Variants in STAG2 observed in about 807,000 individuals in gnomAD.
STAG2 encodes the protein STAG2 cohesin complex component.
STAG2 carries 14 observed loss-of-function variants against 108.1 expected under a neutral mutation model. That is an observed-to-expected ratio of 0.13 (90% CI 0.09 to 0.20). The LOEUF is 0.20. Among genes scored for constraint, STAG2 ranks in the 10% least tolerant of loss-of-function variants. The pLI is 1.00. For synonymous variants in STAG2, 307 were observed against 302.7 expected (o/e 1.01, Z -0.15); for missense variants, 440 against 940.9 (o/e 0.47, Z 6.96).
At chrX:124,014,541 A>G (rs2056635201) in intron 1 of STAG2, among the ~76,000 whole-genome samples, 1 of 110,590 alleles carries the variant, frequency 9.0e-6, no homozygotes, top group South Asian at 3.8e-4. Flanking sequence ...TTGTATTTTT[A>G]GTAGAGATGG....
rs768473039 is a variant in STAG2, at chrX:124,037,559, G to A, written c.321G>A (p.Lys107=). The change falls in exon 6 of 35, where the codon AAG becomes AAA. Residue 107 remains lysine, a synonymous_variant. Transcript: ENST00000371145. The part of the protein sequence containing the change: ...SVVDDWIESY[K]HDRDIALLDL... ...TAGATGATTGGATAGAATCATACAAGCATGACCGAGATATAGCACTTCTTG... is the reference window on the plus strand; with the variant it reads ...TAGATGATTGGATAGAATCATACAAACATGACCGAGATATAGCACTTCTTG... The A allele has an allele frequency of 1.7e-6, 2 of 1,189,620 alleles. No individual in the cohort carries two copies. Among genetic ancestry groups the A allele is most frequent in the East Asian group, 3.1e-5 (1 of 32,655 alleles).
At chrX:123,968,981 A>C (rs2054228735) in intron 1 of STAG2, among the ~76,000 whole-genome samples, 1 of 111,794 alleles carries the variant, frequency 8.9e-6, no homozygotes, top group African/African-American at 3.3e-5. Flanking sequence ...TGTTAAACTC[A>C]GTTGTTTCCC....
At chrX:124,013,141 A>G (rs1441108723) in intron 1 of STAG2, among the ~76,000 whole-genome samples, 1 of 111,455 alleles carries the variant, frequency 9.0e-6, no homozygotes, top group Admixed American at 9.6e-5. Context: ...TGATTTTTGG[A>G]TCTGGATATT....
At position 124,055,125 on chromosome X, in the gene STAG2, T is replaced by C. The variant is rs188027054; in HGVS notation, c.1197-1003T>C. On this transcript the variant is annotated intron_variant, in intron 13 of 34. Transcript: ENST00000371145. ...TTATTTTTCCAAGAACAATCTGATATTATATAAAGAGCAATTGAAATCAGT... is the reference window on the plus strand; with the variant it reads ...TTATTTTTCCAAGAACAATCTGATACTATATAAAGAGCAATTGAAATCAGT... 4.5e-5 allele frequency among the ~76,000 whole-genome samples: 5 copies of C among 112,193 alleles called. No homozygotes were observed. The East Asian group carries it at 8.4e-4, about 19-fold the overall frequency.
intron 1 of STAG2, among the ~76,000 whole-genome samples, chrX:124,000,291 T>C (rs1165789101): frequency 2.7e-5 from 3 of 112,036 alleles, no homozygotes; most frequent in Non-Finnish European, 5.6e-5. Context: ...CATACAGTTA[T>C]GTATAGTACA....
chrX:124,002,253 C>A (rs953707611), intron 1 of STAG2, among the ~76,000 whole-genome samples: 2 of 111,367 alleles, frequency 1.8e-5, no homozygotes, highest in African/African-American at 3.3e-5. Context: ...TCTCCATTAC[C>A]CTCAAGTTTC....
chrX:123,977,058 G>A (rs916612849), intron 1 of STAG2, among the ~76,000 whole-genome samples: 1 of 111,954 alleles, frequency 8.9e-6, no homozygotes, highest in African/African-American at 3.2e-5. Flanking sequence ...ATGGATGTTT[G>A]AAGTTGCATG....
intron 15 of STAG2, among the ~76,000 whole-genome samples, chrX:124,060,435 G>T (rs1473890736): frequency 1.8e-5 from 2 of 112,167 alleles, no homozygotes; most frequent in Non-Finnish European, 3.8e-5. Flanking sequence ...TAACAGTAGG[G>T]TCATTTAAGC....
chrX:124,041,240 C>T (rs1194852207), intron 6 of STAG2, among the ~76,000 whole-genome samples: 6 of 104,427 alleles, frequency 5.7e-5, no homozygotes, highest in African/African-American at 1.8e-4. Flanking sequence ...TTTTAAGTTG[C>T]GGTAAGTAAG....
intron 27 of STAG2, among the ~76,000 whole-genome samples, chrX:124,080,411 C>T (rs971055078): frequency 3.6e-5 from 4 of 110,937 alleles, no homozygotes; most frequent in Admixed American, 2.9e-4. Flanking sequence ...GACACACGAC[C>T]GGGCGCGGTG....
chrX:123,992,437 A>T lies in STAG2; in HGVS notation c.-162-28930A>T, dbSNP rs1318395178. 4.5e-5 allele frequency among the ~76,000 whole-genome samples: 5 copies of T among 110,326 alleles called. No homozygotes were observed. In the Admixed American group the frequency reaches 4.9e-4, roughly 11 times the overall value. Reference sequence around the variant, plus strand: ...AATTTTTAAATTTTACTTTTTTTTTAAATTTCCGTAGCCTTTTTACTTTGT... The same window carrying T: ...AATTTTTAAATTTTACTTTTTTTTTTAATTTCCGTAGCCTTTTTACTTTGT... On this transcript the variant is annotated intron_variant, in intron 1 of 34. Transcript: ENST00000371145.
At chrX:124,090,803 TA>T (rs2059238318) in intron 31 of STAG2, 39 bp downstream of exon 31, 1 of 1,198,220 alleles carries the variant, frequency 8.3e-7, no homozygotes, top group Non-Finnish European at 1.1e-6. Flanking sequence ...ATAACTTTAT[TA>T]ATTACATAGA....
intron 1 of STAG2, among the ~76,000 whole-genome samples, chrX:124,005,717 G>A (rs1182324189): frequency 9.0e-6 from 1 of 111,717 alleles, no homozygotes; most frequent in African/African-American, 3.3e-5. Context: ...GTTTAACCAT[G>A]TACTCATTGA....
chrX:124,050,985 A>G (rs2058020918), intron 11 of STAG2, 136 bp from the exon 12 acceptor site: 2 of 403,371 alleles, frequency 5.0e-6, no homozygotes, highest in Non-Finnish European at 4.2e-6. Context: ...CAAACATGAT[A>G]GTTTCTGAAG....
intron 1 of STAG2, among the ~76,000 whole-genome samples, chrX:123,985,481 A>G (rs2055124538): frequency 2.7e-5 from 3 of 111,928 alleles, no homozygotes; most frequent in Admixed American, 1.9e-4. Context: ...AATAGTAGCA[A>G]TGATTCCACG....
At chrX:124,088,444 A>G (rs978363313) in intron 30 of STAG2, among the ~76,000 whole-genome samples, 9 of 111,010 alleles carry the variant, frequency 8.1e-5, no homozygotes, top group African/African-American at 2.6e-4. Context: ...AGTCAATGCA[A>G]TTTTGAAGAC....
chrX:124,025,549 G>A (rs2057066321), intron 3 of STAG2, among the ~76,000 whole-genome samples: 1 of 110,716 alleles, frequency 9.0e-6, no homozygotes, highest in Admixed American at 9.7e-5. Flanking sequence ...CAGTTCCTAG[G>A]GTTAAATTTT....
chrX:124,050,438 C>G, intron 11 of STAG2, 129 bp downstream of exon 11: 1 of 722,668 alleles, frequency 1.4e-6, no homozygotes, highest in African/African-American at 2.2e-5. Flanking sequence ...TTATTCTTTT[C>G]TATCTTCTCT....
chrX:123,968,859 C>T (rs757007530), intron 1 of STAG2, among the ~76,000 whole-genome samples: 4 of 111,510 alleles, frequency 3.6e-5, no homozygotes, highest in Non-Finnish European at 7.5e-5. Context: ...GATAGGTTGT[C>T]CTCATCATTT....
Sources: gnomAD v4.1 joint callset for allele counts (sites outside exome capture counted in the v4.1 genomes callset) on GRCh38, gnomAD v4.1.1 for gene constraint, MANE v1.5 for transcripts, NCBI Gene and HGNC (gene_info 2026-07-23, HGNC 2026-07-21) for gene names.